The following FANCL variants were observed in gnomAD, a reference collection of about 807,000 sequenced individuals.
FANCL encodes E3 ubiquitin-protein ligase FANCL.
Under a neutral mutation model 59.4 loss-of-function variants are expected in FANCL, and 69 were observed. The observed-to-expected ratio is 1.16, with a 90% confidence interval of 0.96 to 1.42. The LOEUF (loss-of-function observed/expected upper bound fraction) is 1.42, where lower values mean the gene tolerates loss of function less well. Ranked by LOEUF, FANCL falls within the 40% of genes most tolerant of loss-of-function variation. The pLI, the probability that FANCL is intolerant of heterozygous loss-of-function variation, is 0.00. For missense variants in FANCL, 519 were observed against 447.2 expected, an observed-to-expected ratio of 1.16 and a Z score of -1.45; for synonymous variants, 180 against 147.1, an observed-to-expected ratio of 1.22 and a Z score of -1.62.
At chr2:58,182,852 T>G (rs1018904814) in intron 7 of FANCL, among the ~76,000 whole-genome samples, 2 of 151,754 alleles carry the variant, frequency 1.3e-5, no homozygotes, top group Non-Finnish European at 3.0e-5. Context: ...TAGAGTATGC[T>G]GATTAAGATC....
At chr2:58,226,236 T>C (rs1455311156) in intron 4 of FANCL, among the ~76,000 whole-genome samples, 1 of 152,126 alleles carries the variant, frequency 6.6e-6, no homozygotes, top group East Asian at 1.9e-4. Flanking sequence ...TGAACTTGGG[T>C]TTTAAGAAAA....
intron 7 of FANCL, among the ~76,000 whole-genome samples, chr2:58,193,864 G>A (rs1689173660): frequency 6.6e-6 from 1 of 152,004 alleles, no homozygotes; most frequent in Non-Finnish European, 1.5e-5. Context: ...CAGTACATAC[G>A]AACTGAGGCA....
In FANCL at chr2:58,160,088, G is replaced by A. The variant is rs1392239404; in HGVS notation, c.1092+20C>T. ...GAAAGCTAGGCACATTTTATGAGAT[G>A]TGATTAACAATTTGCTTACCTTACT... On this transcript the variant is annotated intron_variant, in intron 13 of 13. Transcript: ENST00000233741. 2 of 1,610,172 alleles carry A rather than the reference G, an allele frequency of 1.2e-6. No homozygotes were observed. Among genetic ancestry groups the A allele is most frequent in the African/African-American group, 2.7e-5 (2 of 74,910 alleles).
At chr2:58,210,058 T>C (rs925191189) in intron 5 of FANCL, among the ~76,000 whole-genome samples, 3 of 152,168 alleles carry the variant, frequency 2.0e-5, no homozygotes, top group African/African-American at 7.2e-5. Context: ...AAATAATATA[T>C]TGTTTAAAAA....
chr2:58,159,936 G>GA, intron 13 of FANCL, 136 bp from the exon 14 acceptor site: 1 of 1,527,172 alleles, frequency 6.5e-7, no homozygotes, highest in Non-Finnish European at 8.8e-7. Flanking sequence ...GATCACCTAG[G>GA]AAATCTAGAA....
intron 8 of FANCL, 52 bp downstream of exon 8, chr2:58,165,672 T>G: frequency 1.2e-6 from 2 of 1,603,050 alleles, no homozygotes; most frequent in Non-Finnish European, 1.7e-6. Flanking sequence ...TTTATTTTCA[T>G]AATACAAAAT....
At chr2:58,163,121 G>C (rs1343253057) in intron 9 of FANCL, 47 bp from the exon 10 acceptor site, 6 of 1,483,014 alleles carry the variant, frequency 4.0e-6, no homozygotes, top group Non-Finnish European at 5.6e-6. Flanking sequence ...CTCTACTCTT[G>C]GTTTCTAAAG....
intron 7 of FANCL, among the ~76,000 whole-genome samples, chr2:58,191,848 C>A (rs1688952841): frequency 6.6e-6 from 1 of 151,912 alleles, no homozygotes; most frequent in African/African-American, 2.4e-5. Flanking sequence ...CAGCATTTTA[C>A]AATTCAAAAG....
chr2:58,222,769 GA>G lies in FANCL; in HGVS notation c.274-728del, dbSNP rs570312234. Among the ~76,000 whole-genome samples, 73 of 152,024 alleles carry G rather than the reference GA, an allele frequency of 4.8e-4. 1 individual carries two copies. Among genetic ancestry groups the G allele is most frequent in the South Asian group, 1.7e-3 (8 of 4,822 alleles). On this transcript the variant is annotated intron_variant, in intron 4 of 13. Coordinates refer to ENST00000233741, the MANE Select transcript of FANCL (RefSeq NM_018062.4). ...CCAACCTAGATAGACAGCTTATTTGGAAAGTAAAAATAAATCTATCTACAAA... is the reference window on the plus strand; with the variant it reads ...CCAACCTAGATAGACAGCTTATTTGGAAGTAAAAATAAATCTATCTACAAA...
At chr2:58,173,592 A>T (rs1411893930) in intron 7 of FANCL, among the ~76,000 whole-genome samples, 2 of 152,142 alleles carry the variant, frequency 1.3e-5, no homozygotes, top group Non-Finnish European at 2.9e-5. Flanking sequence ...ACGCTGAGAG[A>T]TTTTGTCACC....
At chr2:58,192,091 G>A (rs567937474) in intron 7 of FANCL, among the ~76,000 whole-genome samples, 30 of 151,902 alleles carry the variant, frequency 2.0e-4, no homozygotes, top group African/African-American at 7.0e-4. Flanking sequence ...ATTAACATCA[G>A]CAAGTAAATC....
intron 5 of FANCL, among the ~76,000 whole-genome samples, chr2:58,221,070 G>A (rs186159022): frequency 6.1e-4 from 93 of 151,870 alleles, no homozygotes; most frequent in African/African-American, 1.5e-3. Flanking sequence ...AAAATTAGCC[G>A]GTCGTGGTGG....
At chr2:58,217,475 C>G (rs6709460) in intron 5 of FANCL, among the ~76,000 whole-genome samples, 108,555 of 150,906 alleles carry the variant, frequency 0.72, 40,129 homozygotes, top group African/African-American at 0.91. Context: ...AATTTCAATA[C>G]AGCATTAAAA....
intron 1 of FANCL, among the ~76,000 whole-genome samples, chr2:58,237,764 T>G (rs1694155623): frequency 6.6e-6 from 1 of 152,178 alleles, no homozygotes; most frequent in African/African-American, 2.4e-5. Context: ...CACTCCTACC[T>G]CTAGGAGTTG....
intron 6 of FANCL, 25 bp downstream of exon 6, chr2:58,204,105 A>C: frequency 6.4e-7 from 1 of 1,553,518 alleles, no homozygotes. Flanking sequence ...TTCTGATCAC[A>C]ATAACAGTTT....
chr2:58,162,012 G>C (rs780310527), intron 11 of FANCL, among the ~76,000 whole-genome samples: 4 of 151,828 alleles, frequency 2.6e-5, no homozygotes, highest in African/African-American at 4.8e-5. Flanking sequence ...TACACAGCTA[G>C]GCTAAAAAAA....
chr2:58,239,132 C>G (rs180718606), intron 1 of FANCL, among the ~76,000 whole-genome samples: 67 of 152,182 alleles, frequency 4.4e-4, no homozygotes, highest in African/African-American at 1.5e-3. Context: ...TAGTAATAGT[C>G]GACTCAAGCA....
At chr2:58,199,208 A>G (rs1248617880) in intron 6 of FANCL, among the ~76,000 whole-genome samples, 26 of 152,116 alleles carry the variant, frequency 1.7e-4, no homozygotes, top group Admixed American at 1.7e-3. Context: ...ATCGGTGTTG[A>G]GTAAAAGGTA....
Position 58,198,702 on chromosome 2 carries a change from T to C in FANCL, c.472-40A>G, listed in dbSNP as rs750989355. The C allele has an allele frequency of 3.4e-6, 5 of 1,491,346 alleles. No individual in the cohort carries two copies. The South Asian group carries it at 3.4e-5, about 10-fold the overall frequency. 92.4% of individuals were successfully genotyped at this position (1,491,346 alleles called of 1,614,324 possible). A position where few individuals can be genotyped will look rare whatever the true frequency, so the allele number is the denominator to read the frequency against. ...TAACATTAGACCATTTTTGCTTCTGTGTGTTAATATCACTGAGGTATTTTA... is the reference window on the plus strand; with the variant it reads ...TAACATTAGACCATTTTTGCTTCTGCGTGTTAATATCACTGAGGTATTTTA... On this transcript the variant is annotated intron_variant, in intron 6 of 13. Coordinates refer to ENST00000233741, the MANE Select transcript of FANCL (RefSeq NM_018062.4).
Sources: allele counts gnomAD v4.1 joint callset (sites outside exome capture counted in the v4.1 genomes callset), GRCh38; gene constraint gnomAD v4.1.1; transcripts MANE v1.5; gene names NCBI Gene and HGNC (gene_info 2026-07-23, HGNC 2026-07-21).